Variants in ANXA3 observed in about 807,000 individuals in gnomAD.
The protein encoded by ANXA3 is 35-alpha calcimedin.
In ANXA3, 46 loss-of-function variants were observed where a neutral mutation model predicts 48.8. The observed-to-expected ratio is 0.94, with a 90% confidence interval of 0.74 to 1.21. The LOEUF (loss-of-function observed/expected upper bound fraction) is 1.21. Among genes scored for constraint, ANXA3 ranks in the 50% most tolerant of loss-of-function variants. The pLI, the probability that ANXA3 is intolerant of heterozygous loss-of-function variation, is 0.00. For missense variants in ANXA3, 383 were observed against 378.6 expected (o/e 1.01, Z -0.10); for synonymous variants, 128 against 134.7 (o/e 0.95, Z 0.35).
chr4:78,599,562 T>G (rs1296946373), intron 10 of ANXA3, among the ~76,000 whole-genome samples: 1 of 152,266 alleles, frequency 6.6e-6, no homozygotes, highest in East Asian at 1.9e-4. Context: ...CCTGAAAGAC[T>G]GGGCTGGGTG....
Position 78,579,064 on chromosome 4 carries a change from G to A in ANXA3, c.141G>A (p.Glu47=). 2 of 1,612,732 alleles carry A rather than the reference G, an allele frequency of 1.2e-6. No individual in the cohort carries two copies. The highest frequency in any genetic ancestry group is 1.7e-6 in the Non-Finnish European group (2 of 1,178,932). ...AAATGCTCATCAGCATTCTGACTGA[G>A]AGGTCAAATGCACAGCGGCAGCTGA... ...DEKMLISILT[E]RSNAQRQLIV... is the part of the protein sequence containing the mutation. The change falls in exon 4 of 13, where the codon GAG becomes GAA. Residue 47 remains glutamate, a synonymous_variant. Coordinates refer to ENST00000264908, the MANE Select transcript of ANXA3 (RefSeq NM_005139.3).
At chr4:78,604,515 T>G in intron 12 of ANXA3, 116 bp downstream of exon 12, 1 of 823,160 alleles carries the variant, frequency 1.2e-6, no homozygotes, top group Non-Finnish European at 1.8e-6. Context: ...TCCTTGTCAA[T>G]GTATAAATGT....
chr4:78,606,707 C>T (rs930222920), intron 12 of ANXA3, among the ~76,000 whole-genome samples: 1 of 152,200 alleles, frequency 6.6e-6, no homozygotes, highest in Non-Finnish European at 1.5e-5. Flanking sequence ...GAACATCAAT[C>T]AGTCAACTAG....
intron 7 of ANXA3, among the ~76,000 whole-genome samples, chr4:78,593,418 T>C (rs2109944143): frequency 6.6e-6 from 1 of 151,626 alleles, no homozygotes; most frequent in East Asian, 1.9e-4. Flanking sequence ...GCTAGGATGG[T>C]CTCAAACTCC....
chr4:78,604,560 C>A (rs1174436567), intron 12 of ANXA3, among the ~76,000 whole-genome samples, 161 bp downstream of exon 12: 3 of 152,154 alleles, frequency 2.0e-5, no homozygotes, highest in Non-Finnish European at 1.5e-5. Flanking sequence ...AGCAAAATAT[C>A]CCTTATTTTC....
chr4:78,602,315 C>T (rs1288853064), intron 11 of ANXA3: 1 of 151,570 alleles, frequency 6.6e-6, no homozygotes, highest in African/African-American at 2.4e-5. Flanking sequence ...ATTTCTTTTC[C>T]ACTTAGATTA....
intron 2 of ANXA3, among the ~76,000 whole-genome samples, chr4:78,571,326 G>C (rs1195785760): frequency 1.3e-5 from 2 of 152,168 alleles, no homozygotes; most frequent in Non-Finnish European, 2.9e-5. Flanking sequence ...TGACTGGTTT[G>C]TTACAGGTAT....
chr4:78,584,819 G>A (rs1387818004), intron 5 of ANXA3, among the ~76,000 whole-genome samples: 1 of 152,260 alleles, frequency 6.6e-6, no homozygotes, highest in Admixed American at 6.5e-5. Context: ...GAGGCGAAGA[G>A]CAGGGTAGGT....
chr4:78,575,521 C>T (rs1358092338), intron 3 of ANXA3, among the ~76,000 whole-genome samples: 3 of 151,714 alleles, frequency 2.0e-5, no homozygotes, highest in Non-Finnish European at 4.4e-5. Flanking sequence ...CACAAGCTCT[C>T]TCCTTGCCTG....
In ANXA3 at chr4:78,610,144, G is replaced by A. The variant is rs375307482; in HGVS notation, c.*29G>A. 3.1e-5 allele frequency: 48 copies of A among 1,568,552 alleles called. No homozygotes were observed. The highest frequency in any genetic ancestry group is 2.0e-4 in the African/African-American group (15 of 73,872). ...AAGAAGATAATCTCCAAAGGTCCAC[G>A]ATGGGCTTTCCCAACAGCTCCACCT... On this transcript the variant is annotated 3_prime_UTR_variant, in exon 13 of 13. Transcript: ENST00000264908.
intron 9 of ANXA3, among the ~76,000 whole-genome samples, 193 bp downstream of exon 9, chr4:78,596,080 A>G (rs1192048867): frequency 6.6e-6 from 1 of 152,218 alleles, no homozygotes; most frequent in East Asian, 1.9e-4. Flanking sequence ...TTGTTTTTCC[A>G]TAGAGGCTGA....
chr4:78,596,273 AG>A (rs1723422429), intron 9 of ANXA3, among the ~76,000 whole-genome samples: 1 of 152,252 alleles, frequency 6.6e-6, no homozygotes. Flanking sequence ...CAGACACTGC[AG>A]GTGAGTCTCT....
intron 2 of ANXA3, among the ~76,000 whole-genome samples, chr4:78,562,566 AT>A (rs1446459456): frequency 2.0e-5 from 3 of 152,214 alleles, no homozygotes; most frequent in Non-Finnish European, 4.4e-5. Context: ...ACAAGAAAGC[AT>A]TTTTAATTCA....
At chr4:78,598,280 T>TTTTC (rs982917096) in intron 10 of ANXA3, among the ~76,000 whole-genome samples, 1 of 150,566 alleles carries the variant, frequency 6.6e-6, no homozygotes, top group Admixed American at 6.6e-5. Flanking sequence ...GTGGCTTTTC[T>TTTTC]TTTCTTTCTT....
chr4:78,590,346 A>G (rs559459352), intron 6 of ANXA3, among the ~76,000 whole-genome samples: 24 of 152,312 alleles, frequency 1.6e-4, no homozygotes, highest in African/African-American at 5.8e-4. Context: ...AAAGTTACAG[A>G]TTTCATAAAA....
At chr4:78,566,867 T>G (rs1189916567) in intron 2 of ANXA3, among the ~76,000 whole-genome samples, 1 of 152,196 alleles carries the variant, frequency 6.6e-6, no homozygotes, top group African/African-American at 2.4e-5. Flanking sequence ...TTTCTTTGAG[T>G]GAGCCCAAGA....
intron 2 of ANXA3, among the ~76,000 whole-genome samples, chr4:78,563,736 C>T (rs1030048677): frequency 6.6e-6 from 1 of 152,196 alleles, no homozygotes; most frequent in Admixed American, 6.5e-5. Context: ...CCACCGTTCT[C>T]TAGCCAAGGG....
chr4:78,569,712 G>T (rs892253589), intron 2 of ANXA3, among the ~76,000 whole-genome samples: 1 of 152,146 alleles, frequency 6.6e-6, no homozygotes, highest in Non-Finnish European at 1.5e-5. Context: ...TCACATTCCC[G>T]GGTGATGCTG....
At position 78,606,390 on chromosome 4, in the gene ANXA3, T is replaced by A. The variant is rs114039573; in HGVS notation, c.912+1991T>A. ...CTGATTAGACCCCCTAAGCTGTGGATCATTATGCACCATGCACATCCTGAT... is the reference window on the plus strand; with the variant it reads ...CTGATTAGACCCCCTAAGCTGTGGAACATTATGCACCATGCACATCCTGAT... On this transcript the variant is annotated intron_variant, in intron 12 of 12. Transcript: ENST00000264908. Among the ~76,000 whole-genome samples the A allele has an allele frequency of 2.5e-3, 387 of 152,216 alleles. 2 individuals carry two copies. The highest frequency in any genetic ancestry group is 8.6e-3 in the African/African-American group (356 of 41,528).
Sources: gnomAD v4.1 joint callset for allele counts (sites outside exome capture counted in the v4.1 genomes callset) on GRCh38, gnomAD v4.1.1 for gene constraint, MANE v1.5 for transcripts, NCBI Gene and HGNC (gene_info 2026-07-23, HGNC 2026-07-21) for gene names.